MECOM: variants seen among roughly 807,000 people sequenced by gnomAD.
MECOM encodes the protein histone-lysine N-methyltransferase MECOM.
MECOM carries 13 observed loss-of-function variants against 116.3 expected under a neutral mutation model. The ratio of observed to expected loss-of-function variants is 0.11; its 90% CI spans 0.07 to 0.18. MECOM has a LOEUF of 0.18. MECOM is among the 10% of genes least tolerant of loss of function. The pLI is 1.00. For missense variants in MECOM, 1,299 were observed against 1,509.0 expected, an observed-to-expected ratio of 0.86 and a Z score of 2.31; for synonymous variants, 528 against 535.2, an observed-to-expected ratio of 0.99 and a Z score of 0.19.
In MECOM at chr3:169,426,589, G is replaced by A. The variant is rs149498286; in HGVS notation, c.38-45065C>T. Among the ~76,000 whole-genome samples the A allele has an allele frequency of 7.6e-4, 115 of 152,222 alleles. 1 individual carries two copies. In the East Asian group the frequency reaches 0.017, roughly 22 times the overall value. Reference sequence around the variant, plus strand: ...AAGTGTTTTTCACCTTTTGAAATCCGTCTGATTTAAAGTCAATGAATAGTT... The same window carrying A: ...AAGTGTTTTTCACCTTTTGAAATCCATCTGATTTAAAGTCAATGAATAGTT... On this transcript the variant is annotated intron_variant, in intron 1 of 16. Transcript: ENST00000651503.
intron 10 of MECOM, among the ~76,000 whole-genome samples, chr3:169,105,934 G>T (rs920041812): frequency 6.6e-6 from 1 of 152,056 alleles, no homozygotes; most frequent in Non-Finnish European, 1.5e-5. Flanking sequence ...TATCAACTGG[G>T]TCCTAAGCAC....
intron 10 of MECOM, among the ~76,000 whole-genome samples, chr3:169,107,486 T>C (rs1189604728): frequency 1.3e-5 from 2 of 152,152 alleles, no homozygotes; most frequent in East Asian, 1.9e-4. Context: ...CTAGGATATA[T>C]AGATGTGAAT....
intron 2 of MECOM, among the ~76,000 whole-genome samples, chr3:169,333,967 A>G (rs1012218753): frequency 2.7e-5 from 4 of 148,934 alleles, no homozygotes; most frequent in African/African-American, 9.9e-5. Flanking sequence ...AGACGGTAGC[A>G]ATTCTGTTTA....
intron 3 of MECOM, among the ~76,000 whole-genome samples, chr3:169,137,944 A>T (rs924512498): frequency 6.6e-6 from 1 of 152,094 alleles, no homozygotes; most frequent in Non-Finnish European, 1.5e-5. Flanking sequence ...AATATCCATT[A>T]GCCACCTGTC....
intron 2 of MECOM, among the ~76,000 whole-genome samples, chr3:169,222,240 G>C (rs184271449): frequency 1.3e-5 from 2 of 152,206 alleles, no homozygotes; most frequent in African/African-American, 4.8e-5. Flanking sequence ...ATATTAGCTA[G>C]CTAATTAAAG....
At chr3:169,407,103 T>C (rs992969818) in intron 1 of MECOM, among the ~76,000 whole-genome samples, 7 of 152,132 alleles carry the variant, frequency 4.6e-5, no homozygotes, top group Non-Finnish European at 8.8e-5. Context: ...CACCTCGGCC[T>C]CCCAAAGTGC....
intron 2 of MECOM, among the ~76,000 whole-genome samples, chr3:169,260,980 T>C (rs936346086): frequency 1.3e-5 from 2 of 152,176 alleles, no homozygotes; most frequent in Non-Finnish European, 2.9e-5. Context: ...ATTCCAGAAA[T>C]ACAAGAAAGG....
chr3:169,115,720 A>C lies in MECOM; in HGVS notation c.2152T>G (p.Leu718Val). The C allele has an allele frequency of 6.2e-7, 1 of 1,614,180 alleles. No individual in the cohort carries two copies. The highest frequency in any genetic ancestry group is 8.5e-7 in the Non-Finnish European group (1 of 1,180,026). The change falls in exon 8 of 17, where the codon TTA (leucine) becomes GTA (valine). Residue 718 changes from leucine to valine, a missense_variant. Physicochemically the swap from Leu to Val is conservative, Grantham distance 32. Transcript: ENST00000651503. Reference protein sequence around the residue: ...YPFPDRDLRSLPLKMEPQSPG... With the variant: ...YPFPDRDLRSVPLKMEPQSPG... ...GATTGGGGTTCCATTTTCAAAGGTA[A>C]CGATCTCAAGTCTCTATCAGGAAAT...
intron 1 of MECOM, among the ~76,000 whole-genome samples, chr3:169,413,441 C>A (rs1022014501): frequency 6.6e-6 from 1 of 151,900 alleles, no homozygotes; most frequent in African/African-American, 2.4e-5. Context: ...TTTGGGCAGA[C>A]ACCAAGCTAG....
At position 169,394,335 on chromosome 3, in the gene MECOM, G is replaced by A. The variant is rs564170616; in HGVS notation, c.38-12811C>T. Among the ~76,000 whole-genome samples, 3 of 152,226 alleles carry A rather than the reference G, an allele frequency of 2.0e-5. No homozygotes were observed. In the South Asian group the frequency reaches 6.2e-4, roughly 32 times the overall value. On this transcript the variant is annotated intron_variant, in intron 1 of 16. Coordinates refer to ENST00000651503, the MANE Select transcript of MECOM (RefSeq NM_004991.4). ...GGGGAGATAAGGCAAATGCCCAGGAGGATTTAACTTATGTAATATAAGGCT... is the reference window on the plus strand; with the variant it reads ...GGGGAGATAAGGCAAATGCCCAGGAAGATTTAACTTATGTAATATAAGGCT...
intron 1 of MECOM, among the ~76,000 whole-genome samples, chr3:169,538,082 A>G (rs936756660): frequency 6.6e-6 from 1 of 152,156 alleles, no homozygotes; most frequent in Non-Finnish European, 1.5e-5. Context: ...AGTGCTGGTT[A>G]AAAGCACCCC....
intron 1 of MECOM, among the ~76,000 whole-genome samples, chr3:169,458,680 G>A (rs1028847688): frequency 6.6e-6 from 1 of 152,176 alleles, no homozygotes; most frequent in Non-Finnish European, 1.5e-5. Flanking sequence ...CACCAGCGAG[G>A]ACTGGTGACA....
chr3:169,324,587 G>A (rs771149837), intron 2 of MECOM, among the ~76,000 whole-genome samples: 3 of 152,170 alleles, frequency 2.0e-5, no homozygotes, highest in Admixed American at 6.5e-5. Context: ...TGAGAATTTC[G>A]GCAACGTGCC....
intron 1 of MECOM, among the ~76,000 whole-genome samples, chr3:169,593,357 T>G (rs565376629): frequency 1.3e-5 from 2 of 152,312 alleles, no homozygotes; most frequent in East Asian, 3.9e-4. Context: ...CAAACTAAAT[T>G]CCACAGGAAA....
chr3:169,603,075 A>C (rs1194636325), intron 1 of MECOM, among the ~76,000 whole-genome samples: 1 of 152,198 alleles, frequency 6.6e-6, no homozygotes, highest in African/African-American at 2.4e-5. Flanking sequence ...TGAATAACAA[A>C]TTATATACAG....
intron 2 of MECOM, among the ~76,000 whole-genome samples, chr3:169,275,529 T>C (rs1023343879): frequency 6.6e-6 from 1 of 152,222 alleles, no homozygotes; most frequent in Non-Finnish European, 1.5e-5. Flanking sequence ...TGCTGGAACA[T>C]TGTTACCCTG....
Position 169,329,682 on chromosome 3 carries a change from G to A in MECOM, c.375+51505C>T, listed in dbSNP as rs553715279. Among the ~76,000 whole-genome samples the A allele has an allele frequency of 9.2e-5, 14 of 152,298 alleles. 1 individual carries two copies. The South Asian group carries it at 1.9e-3, about 20-fold the overall frequency. Reference sequence around the variant, plus strand: ...CCCCAGTATTTCCTTATATAAATGGGTGACAAAGAGGAGTTCCATTGCAAT... The same window carrying A: ...CCCCAGTATTTCCTTATATAAATGGATGACAAAGAGGAGTTCCATTGCAAT... On this transcript the variant is annotated intron_variant, in intron 2 of 16. Transcript: ENST00000651503.
At chr3:169,377,627 A>G (rs532750652) in intron 2 of MECOM, among the ~76,000 whole-genome samples, 4 of 152,216 alleles carry the variant, frequency 2.6e-5, no homozygotes, top group Non-Finnish European at 5.9e-5. Flanking sequence ...ATGAGATACC[A>G]TCTCACACCA....
intron 2 of MECOM, among the ~76,000 whole-genome samples, chr3:169,178,001 T>C (rs1745422647): frequency 6.6e-6 from 1 of 152,022 alleles, no homozygotes; most frequent in African/African-American, 2.4e-5. Context: ...AAGAACAGGT[T>C]TTGTAACTGT....
Sources: gnomAD v4.1 joint callset for allele counts (sites outside exome capture counted in the v4.1 genomes callset) on GRCh38, gnomAD v4.1.1 for gene constraint, MANE v1.5 for transcripts, NCBI Gene and HGNC (gene_info 2026-07-23, HGNC 2026-07-21) for gene names.